TRHDE: variants seen among roughly 807,000 people sequenced by gnomAD.
TRHDE encodes thyrotropin releasing hormone degrading enzyme.
Under a neutral mutation model 125.7 loss-of-function variants are expected in TRHDE, and 72 were observed. That is an observed-to-expected ratio of 0.57 (90% CI 0.47 to 0.70). The LOEUF is 0.70. TRHDE is among the 30% of genes least tolerant of loss of function. The pLI is 0.00. For missense variants in TRHDE, 1,110 were observed against 1,327.1 expected, an observed-to-expected ratio of 0.84 and a Z score of 2.54; for synonymous variants, 509 against 509.1, an observed-to-expected ratio of 1.00 and a Z score of 0.00.
chr12:72,499,063 C>T (rs1043397900), intron 5 of TRHDE, among the ~76,000 whole-genome samples: 4 of 151,666 alleles, frequency 2.6e-5, no homozygotes, highest in Admixed American at 2.6e-4. Context: ...TCAAATGTTA[C>T]TAGAAATCAT....
At chr12:72,111,637 A>C (rs1419065209) in intron 2 of TRHDE, among the ~76,000 whole-genome samples, 1 of 152,192 alleles carries the variant, frequency 6.6e-6, no homozygotes, top group Non-Finnish European at 1.5e-5. Flanking sequence ...GATTGTCAGA[A>C]GGGAAATAGA....
At chr12:72,130,659 C>G (rs1048431680) in intron 2 of TRHDE, among the ~76,000 whole-genome samples, 1 of 152,114 alleles carries the variant, frequency 6.6e-6, no homozygotes, top group Admixed American at 6.5e-5. Context: ...TTGAAAAACA[C>G]CACAATGGAT....
chr12:72,152,126 G>T, intron 2 of TRHDE, among the ~76,000 whole-genome samples: 1 of 151,392 alleles, frequency 6.6e-6, no homozygotes, highest in East Asian at 1.9e-4. Context: ...CTTGTAAGTT[G>T]GATTCCTAGG....
At chr12:72,088,413 G>C (rs1202540359) in intron 1 of TRHDE, among the ~76,000 whole-genome samples, 1 of 152,076 alleles carries the variant, frequency 6.6e-6, no homozygotes, top group Non-Finnish European at 1.5e-5. Context: ...TATATAGGCT[G>C]TTTGACAATG....
chr12:72,624,260 A>T (rs1592579475), intron 15 of TRHDE, among the ~76,000 whole-genome samples: 1 of 151,452 alleles, frequency 6.6e-6, no homozygotes, highest in Admixed American at 6.6e-5. Context: ...TTTTTTTTTT[A>T]AATGGCCCTA....
At chr12:72,240,079 T>A (rs1231931292) in intron 2 of TRHDE, among the ~76,000 whole-genome samples, 1 of 152,136 alleles carries the variant, frequency 6.6e-6, no homozygotes, top group Non-Finnish European at 1.5e-5. Flanking sequence ...ATTGTTAACT[T>A]TTAAATAAAA....
Position 72,563,026 on chromosome 12 carries a change from A to C in TRHDE, c.2028A>C (p.Lys676Asn). Reference protein sequence around the residue: ...YDISAKTKALKLQNNSYLWQI... With the variant: ...YDISAKTKALNLQNNSYLWQI... The stretch of plus-strand genomic sequence containing the variant: ...TCAGTGCTAAAACTAAAGCACTTAA[A>C]CTTCAGAATAACAGGTATGACATTC... Residue 676 changes from lysine to asparagine, a missense_variant, in exon 9 of 19, where the codon AAA becomes AAC. Transcript: ENST00000261180. 6.3e-7 allele frequency: 1 copy of C among 1,595,428 alleles called. No individual in the cohort carries two copies. Among genetic ancestry groups the C allele is most frequent in the Admixed American group, 1.8e-5 (1 of 56,214 alleles).
chr12:72,361,753 C>T (rs1475677611), intron 2 of TRHDE, among the ~76,000 whole-genome samples: 2 of 143,022 alleles, frequency 1.4e-5, no homozygotes, highest in African/African-American at 5.3e-5. Context: ...TGATGTTCCC[C>T]TTCCTGTGTC....
intron 12 of TRHDE, among the ~76,000 whole-genome samples, chr12:72,598,183 A>C (rs1872059297): frequency 6.6e-6 from 1 of 152,152 alleles, no homozygotes; most frequent in African/African-American, 2.4e-5. Context: ...ATATAGTTAG[A>C]ATCAACATTT....
intron 2 of TRHDE, chr12:72,257,971 A>G (rs1365071748): frequency 6.6e-6 from 1 of 152,140 alleles, no homozygotes; most frequent in Non-Finnish European, 1.5e-5. Context: ...GGTCCAAAGA[A>G]GGGGAAAATA....
intron 2 of TRHDE, among the ~76,000 whole-genome samples, chr12:72,181,733 G>A (rs1877100284): frequency 6.6e-6 from 1 of 152,000 alleles, no homozygotes; most frequent in Admixed American, 6.6e-5. Context: ...CATCAGGGCA[G>A]GTCTCTGTGG....
chr12:72,238,314 ATATATATACATATATATATACACAT>A lies in TRHDE; in HGVS notation n.279+132571_279+132595del, dbSNP rs1565669953. Among the ~76,000 whole-genome samples the A allele has an allele frequency of 1.6e-3, 53 of 33,732 alleles. 9 individuals are homozygous for A. The highest frequency in any genetic ancestry group is 2.6e-3 in the Non-Finnish European group (40 of 15,674). 22.1% of individuals were successfully genotyped at this position (33,732 alleles called of 152,430 possible). On this transcript the variant is annotated intron_variant and non_coding_transcript_variant, in intron 2 of 4. Transcript: ENST00000548156. The stretch of plus-strand genomic sequence containing the variant: ...TATATATATATATATATATATATAT[ATATATATACATATATATATACACAT>A]TATATATATATATATATATATATAC...
chr12:72,100,133 T>C (rs1686301578), intron 1 of TRHDE, among the ~76,000 whole-genome samples: 1 of 152,186 alleles, frequency 6.6e-6, no homozygotes, highest in East Asian at 1.9e-4. Context: ...AAAATCTAAT[T>C]ATATTATTTA....
chr12:72,483,714 AGTTGTTTGCTCTG>A (rs1401408125), intron 5 of TRHDE, among the ~76,000 whole-genome samples: 2 of 151,796 alleles, frequency 1.3e-5, no homozygotes, highest in African/African-American at 4.8e-5. Context: ...TATGTTCTGG[AGTTGTTTGCTCTG>A]GGTTATCAAA....
rs181173978 is a variant in TRHDE at position 72,130,125 on chromosome 12, C to A, written n.279+24373C>A. Among the ~76,000 whole-genome samples the A allele has an allele frequency of 6.7e-3, 1,023 of 151,996 alleles. 14 individuals are homozygous for A. Among genetic ancestry groups the A allele is most frequent in the African/African-American group, 0.024 (985 of 41,428 alleles). ...GACCAGCCTGGCCAACATGGTGAAA[C>A]CCTGTCTCTACTAAAAATACAAAAA... On this transcript the variant is annotated intron_variant and non_coding_transcript_variant, in intron 2 of 4. Transcript: ENST00000548156.
chr12:72,099,737 G>GA (rs1327472410), intron 1 of TRHDE, among the ~76,000 whole-genome samples: 2 of 152,092 alleles, frequency 1.3e-5, no homozygotes, highest in Non-Finnish European at 2.9e-5. Context: ...TGTTTCAGTG[G>GA]AAAAATCCAC....
At chr12:72,268,042 T>C (rs1879106888), upstream of TRHDE, among the ~76,000 whole-genome samples, 1 of 152,172 alleles carries the variant, frequency 6.6e-6, no homozygotes, top group Admixed American at 6.5e-5. Flanking sequence ...TTTGCAGTAA[T>C]GTTAATTTCT....
At chr12:72,226,037 A>T (rs1237593375) in intron 2 of TRHDE, among the ~76,000 whole-genome samples, 1 of 152,248 alleles carries the variant, frequency 6.6e-6, no homozygotes, top group African/African-American at 2.4e-5. Flanking sequence ...GGGACCACAG[A>T]TTAGCTGGAT....
At chr12:72,448,003 C>G (rs1008860260) in intron 3 of TRHDE, among the ~76,000 whole-genome samples, 1 of 151,926 alleles carries the variant, frequency 6.6e-6, no homozygotes, top group Non-Finnish European at 1.5e-5. Context: ...AGCTGATTTC[C>G]CATCATGTTC....
Sources: allele counts gnomAD v4.1 joint callset (sites outside exome capture counted in the v4.1 genomes callset), GRCh38; gene constraint gnomAD v4.1.1; transcripts MANE v1.5; gene names NCBI Gene and HGNC (gene_info 2026-07-23, HGNC 2026-07-21).